Variants in NAV2 observed in about 807,000 individuals in gnomAD.
NAV2 encodes the protein helicase, APC down-regulated 1.
NAV2 carries 54 observed loss-of-function variants against 223.2 expected under a neutral mutation model. The observed-to-expected ratio is 0.24, with a 90% CI of 0.19 to 0.30. NAV2 has a LOEUF of 0.30. NAV2 is among the 10% of genes least tolerant of loss of function. NAV2 has a pLI of 1.00. For missense variants in NAV2, 2,806 were observed against 3,147.5 expected (o/e 0.89, Z 2.60); for synonymous variants, 1,279 against 1,239.3 (o/e 1.03, Z -0.67).
At position 20,044,084 on chromosome 11, in the gene NAV2, C is replaced by T. The variant is rs1301828804; in HGVS notation, c.3011C>T (p.Pro1004Leu). The change falls in exon 13 of 38, where the codon CCA becomes CTA. Residue 1004 changes from proline to leucine, a missense_variant. Physicochemically the swap from Pro to Leu is moderately conservative, Grantham distance 98. Coordinates refer to ENST00000349880, the MANE Select transcript of NAV2 (RefSeq NM_145117.5). ...TCAGACAGCGGCATAAAAATGGAGC[C>T]AGGTTCCAAGTGGAGGCGGAATCCT... The part of the protein sequence containing the change: ...GGSDSGIKME[P>L]GSKWRRNPSD... The T allele has an allele frequency of 6.2e-7, 1 of 1,614,184 alleles. No individual in the cohort carries two copies. Among genetic ancestry groups the T allele is most frequent in the Admixed American group, 1.7e-5 (1 of 60,034 alleles).
intron 4 of NAV2, among the ~76,000 whole-genome samples, chr11:19,875,695 A>G (rs1490632615): frequency 6.6e-6 from 1 of 152,254 alleles, no homozygotes; most frequent in East Asian, 1.9e-4. Flanking sequence ...TTTTAAATCT[A>G]GAATTTGCTA....
upstream of NAV2, among the ~76,000 whole-genome samples, chr11:19,347,961 C>T (rs564898489): frequency 3.3e-5 from 5 of 152,326 alleles, no homozygotes; most frequent in African/African-American, 9.6e-5. Context: ...CTTGCTTCTC[C>T]TCTTTCTCCT....
chr11:19,885,597 A>G (rs995516574), intron 5 of NAV2, among the ~76,000 whole-genome samples: 1 of 152,216 alleles, frequency 6.6e-6, no homozygotes, highest in Non-Finnish European at 1.5e-5. Flanking sequence ...GGTTCACAGT[A>G]TGAATTTACT....
chr11:19,456,402 G>T (rs1851960355), intron 1 of NAV2, among the ~76,000 whole-genome samples: 4 of 152,176 alleles, frequency 2.6e-5, no homozygotes, highest in Admixed American at 2.6e-4. Flanking sequence ...ACCTTGCAGA[G>T]TAGCTATTAT....
At chr11:20,015,453 A>T (rs1191855623) in intron 11 of NAV2, among the ~76,000 whole-genome samples, 1 of 152,214 alleles carries the variant, frequency 6.6e-6, no homozygotes, top group African/African-American at 2.4e-5. Context: ...ATTCCTATAC[A>T]GGCAGCCTGA....
chr11:19,508,953 A>AAAGAAGG, intron 1 of NAV2, among the ~76,000 whole-genome samples: 1 of 152,266 alleles, frequency 6.6e-6, no homozygotes, highest in East Asian at 1.9e-4. Context: ...CAAACAAAAC[A>AAAGAAGG]AAATTATTAC....
At chr11:19,807,545 A>G (rs2058639990) in intron 1 of NAV2, among the ~76,000 whole-genome samples, 1 of 152,224 alleles carries the variant, frequency 6.6e-6, no homozygotes, top group Admixed American at 6.5e-5. Flanking sequence ...CTGCAGGCCA[A>G]TCCCAGCCTG....
At chr11:19,363,693 C>T (rs1369703256) in intron 1 of NAV2, among the ~76,000 whole-genome samples, 2 of 152,192 alleles carry the variant, frequency 1.3e-5, no homozygotes, top group Non-Finnish European at 2.9e-5. Flanking sequence ...AGGGCTCAGA[C>T]CCACAAGACC....
intron 12 of NAV2, among the ~76,000 whole-genome samples, chr11:20,043,255 C>T (rs1019260815): frequency 3.3e-5 from 5 of 152,070 alleles, no homozygotes; most frequent in Admixed American, 6.5e-5. Context: ...CAAAGGGAAA[C>T]GGGCCAGGAG....
chr11:20,062,949 T>C (rs547417664), intron 20 of NAV2, among the ~76,000 whole-genome samples: 1 of 152,326 alleles, frequency 6.6e-6, no homozygotes, highest in Admixed American at 6.5e-5. Flanking sequence ...CACCTCGGCC[T>C]CCCAAAGTGC....
intron 1 of NAV2, among the ~76,000 whole-genome samples, chr11:19,749,448 A>T (rs2053629047): frequency 6.6e-6 from 1 of 152,190 alleles, no homozygotes; most frequent in African/African-American, 2.4e-5. Context: ...GATGATTAGG[A>T]GCTAGAGGCA....
chr11:19,785,270 A>G (rs2057021621), intron 1 of NAV2, among the ~76,000 whole-genome samples: 1 of 152,234 alleles, frequency 6.6e-6, no homozygotes, highest in Admixed American at 6.5e-5. Flanking sequence ...TGACTGGCCC[A>G]GGGCCTCATG....
intron 11 of NAV2, among the ~76,000 whole-genome samples, chr11:19,989,335 A>G (rs199735256): frequency 1.3e-5 from 2 of 152,168 alleles, no homozygotes; most frequent in Admixed American, 1.3e-4. Flanking sequence ...GCCAGCTTTG[A>G]AGATGGAGGA....
intron 11 of NAV2, among the ~76,000 whole-genome samples, chr11:20,005,931 A>C (rs78913308): frequency 6.6e-6 from 1 of 152,068 alleles, no homozygotes; most frequent in African/African-American, 2.4e-5. Flanking sequence ...CCTCATGACA[A>C]CTCAGTGAGA....
chr11:19,895,978 A>T (rs2041948972), intron 6 of NAV2, among the ~76,000 whole-genome samples: 1 of 152,016 alleles, frequency 6.6e-6, no homozygotes, highest in African/African-American at 2.4e-5. Context: ...TTGTGAACAG[A>T]TAAGCCACAG....
Position 20,055,941 on chromosome 11 carries a change from G to A in NAV2, c.4815G>A (p.Arg1605=). ...CCATGAGCCGTTCAGGCTCATTCCG[G>A]GATGGGTTTGAAGAAGGTAAGGAAG... ...SRTMSRSGSF[R]DGFEEVHGSS... is the part of the protein sequence containing the mutation. Residue 1605 remains arginine (R), a synonymous_variant, in exon 19 of 38, where the codon CGG becomes CGA. Coordinates refer to ENST00000349880, the MANE Select transcript of NAV2 (RefSeq NM_145117.5). 6.2e-7 allele frequency: 1 copy of A among 1,613,768 alleles called. No homozygotes were observed. Among genetic ancestry groups the A allele is most frequent in the Non-Finnish European group, 8.5e-7 (1 of 1,179,978 alleles).
At chr11:19,351,346 C>T (rs1359821539) in intron 1 of NAV2, among the ~76,000 whole-genome samples, 8 of 152,108 alleles carry the variant, frequency 5.3e-5, no homozygotes, top group Non-Finnish European at 1.0e-4. Flanking sequence ...TACTGAAGCC[C>T]CCTTCGGGAT....
intron 1 of NAV2, among the ~76,000 whole-genome samples, chr11:19,806,453 T>TG (rs545228007): frequency 9.9e-4 from 151 of 152,366 alleles, no homozygotes; most frequent in Middle Eastern, 3.4e-3. Context: ...TGATCAGGCC[T>TG]GGGGCCAGGG....
chr11:19,347,582 G>A (rs1342478838), upstream of NAV2, among the ~76,000 whole-genome samples: 1 of 152,124 alleles, frequency 6.6e-6, no homozygotes, highest in Non-Finnish European at 1.5e-5. Context: ...TGAACTTTGA[G>A]GAGAAGCCAG....
Sources: gnomAD v4.1 joint callset for allele counts (sites outside exome capture counted in the v4.1 genomes callset) on GRCh38, gnomAD v4.1.1 for gene constraint, MANE v1.5 for transcripts, NCBI Gene and HGNC (gene_info 2026-07-23, HGNC 2026-07-21) for gene names.